The following MEAK7 variants were observed in gnomAD, a reference collection of about 807,000 sequenced individuals.
MEAK7 encodes MTOR-associated protein MEAK7.
In MEAK7, 68 loss-of-function variants were observed where a neutral mutation model predicts 40.5. The ratio of observed to expected loss-of-function variants is 1.68; its 90% CI spans 1.38 to 2.06. The LOEUF (loss-of-function observed/expected upper bound fraction) is 2.06. Ranked by LOEUF, MEAK7 falls within the 30% of genes most tolerant of loss-of-function variation. The pLI is 0.00. For missense variants in MEAK7, 918 were observed against 580.5 expected, an observed-to-expected ratio of 1.58 and a Z score of -5.98; for synonymous variants, 338 against 231.9, an observed-to-expected ratio of 1.46 and a Z score of -4.16.
rs867789735 is a variant in MEAK7 at position 84,504,657 on chromosome 16, G to T, written c.-82C>A. The T allele has an allele frequency of 6.1e-6, 6 of 985,506 alleles. No individual in the cohort carries two copies. Among genetic ancestry groups the T allele is most frequent in the Non-Finnish European group, 7.2e-6 (6 of 830,044 alleles). 61.0% of individuals were successfully genotyped at this position (985,506 alleles called of 1,614,324 possible). ...GTCCAGCAGCCCACGGGCTCCTCTC[G>T]AGAGCCGCCCCTTCCCTGTTGCCAG... On this transcript the variant is annotated 5_prime_UTR_variant, in exon 1 of 8. Transcript: ENST00000343629.
chr16:84,502,869 C>T (rs895999356), intron 1 of MEAK7: 3 of 152,146 alleles, frequency 2.0e-5, no homozygotes, highest in Non-Finnish European at 4.4e-5. Flanking sequence ...GACTCTGTCT[C>T]ATAAAAACAC....
chr16:84,481,705 G>A (rs1341881732), intron 6 of MEAK7, among the ~76,000 whole-genome samples: 7 of 152,180 alleles, frequency 4.6e-5, no homozygotes, highest in South Asian at 2.1e-4. Flanking sequence ...AGGCCAAGGC[G>A]GGTGGATCAC....
chr16:84,492,405 C>G (rs532862294), intron 3 of MEAK7, among the ~76,000 whole-genome samples: 30 of 151,980 alleles, frequency 2.0e-4, no homozygotes, highest in African/African-American at 6.8e-4. Context: ...TTTAAGTGGC[C>G]TCATACTGTC....
chr16:84,496,339 C>G (rs183076335), intron 2 of MEAK7, among the ~76,000 whole-genome samples: 69 of 152,294 alleles, frequency 4.5e-4, no homozygotes, highest in African/African-American at 1.5e-3. Flanking sequence ...AATCAGACAT[C>G]GCCTCCTCCA....
chr16:84,495,878 G>A lies in MEAK7; in HGVS notation c.189C>T (p.Val63=), dbSNP rs894697766. ...HVGEALPPEM[V]TRLYDGMRRV... ...TCCGCATGCCATCATACAGCCTGGT[G>A]ACCATCTCTGGGGGAAGAGCTTCCC... The change falls in exon 3 of 8, where the codon GTC becomes GTT. Residue 63 remains valine (V), a synonymous_variant. Transcript: ENST00000343629. 18 of 1,613,968 alleles carry A rather than the reference G, an allele frequency of 1.1e-5. No homozygotes were observed. The highest frequency in any genetic ancestry group is 1.4e-5 in the Non-Finnish European group (17 of 1,180,046).
At chr16:84,490,809 C>G (rs377447553) in intron 3 of MEAK7, among the ~76,000 whole-genome samples, 30 of 152,100 alleles carry the variant, frequency 2.0e-4, no homozygotes, top group African/African-American at 5.8e-4. Flanking sequence ...TTCTGCGTGT[C>G]TCTCCTTCCT....
At chr16:84,497,637 C>T (rs1914158361) in intron 2 of MEAK7, 2 of 1,390,168 alleles carry the variant, frequency 1.4e-6, no homozygotes, top group African/African-American at 1.4e-5. Flanking sequence ...TTATCTACTC[C>T]AGGTTCCTTT....
At position 84,477,874 on chromosome 16, in the gene MEAK7, C is replaced by T. The variant is rs1251559411; in HGVS notation, c.*2039G>A. 6.6e-6 allele frequency: 1 copy of T among 152,008 alleles called. No homozygotes were observed. Among genetic ancestry groups the T allele is most frequent in the East Asian group, 1.9e-4 (1 of 5,160 alleles). The allele number at this position is 152,008 out of a possible 1,614,324, so 9.4% of individuals were successfully genotyped here. On this transcript the variant is annotated 3_prime_UTR_variant, in exon 8 of 8. Coordinates refer to ENST00000343629, the MANE Select transcript of MEAK7 (RefSeq NM_020947.4). ...ATCCCCCAGGCTCCCAAGCCCGGGC[C>T]AGTGACCTTTCTCTAAGTGCACTGC...
intron 3 of MEAK7, among the ~76,000 whole-genome samples, chr16:84,491,536 C>CT (rs1337967296): frequency 1.3e-4 from 2 of 15,614 alleles, no homozygotes; most frequent in Non-Finnish European, 3.0e-4. Context: ...GAGACCCTGT[C>CT]TTAAAAAAAA....
At chr16:84,490,165 C>T (rs1187075270) in intron 3 of MEAK7, among the ~76,000 whole-genome samples, 1 of 151,982 alleles carries the variant, frequency 6.6e-6, no homozygotes, top group Non-Finnish European at 1.5e-5. Context: ...TTTATTGTTT[C>T]AGTCTTTTTC....
chr16:84,491,336 G>A (rs554085804), intron 3 of MEAK7, among the ~76,000 whole-genome samples: 83 of 152,100 alleles, frequency 5.5e-4, no homozygotes, highest in Non-Finnish European at 9.7e-4. Flanking sequence ...TTAGGAGGTC[G>A]CGACCAGCCT....
chr16:84,482,054 C>T (rs986923228), intron 6 of MEAK7, among the ~76,000 whole-genome samples: 1 of 152,202 alleles, frequency 6.6e-6, no homozygotes, highest in Non-Finnish European at 1.5e-5. Flanking sequence ...TGCCCTCGGG[C>T]CTGCCTGGAC....
In MEAK7 at chr16:84,489,410, G is replaced by C. The variant is rs747508282; in HGVS notation, c.397C>G (p.Leu133Val). The change falls in exon 4 of 8, where the codon CTG (leucine) becomes GTG (valine). Residue 133 changes from leucine (L) to valine (V), a missense_variant. Transcript: ENST00000343629. ...AGCACGTGCACCACAGAGCCAACCA[G>C]ATCCTCTGTAAACTGTAAGATCACA... Reference protein sequence around the residue: ...AREVQKFTEDLVGSVVHVLSH... With the variant: ...AREVQKFTEDVVGSVVHVLSH... 1.2e-6 allele frequency: 2 copies of C among 1,611,598 alleles called. No homozygotes were observed. Among genetic ancestry groups the C allele is most frequent in the Non-Finnish European group, 1.7e-6 (2 of 1,178,844 alleles).
intron 1 of MEAK7, 147 bp downstream of exon 1, chr16:84,504,453 TC>T: frequency 3.7e-6 from 1 of 270,362 alleles, no homozygotes; most frequent in Non-Finnish European, 5.0e-6. Flanking sequence ...CACCTCTCCC[TC>T]CCCCGACCCG....
In MEAK7 at chr16:84,495,689, G is replaced by T. The variant is rs868514357; in HGVS notation, c.378C>A (p.Val126=). ...ATEGPVKARE[V]QKFTEDLVGS... ...GACCTCGCGGCCTCACTACCTTTTG[G>T]ACTTCTCTGGCCTTCACGGGACCTT... is the stretch of plus-strand genomic sequence containing the variant. The change falls in exon 3 of 8, where the codon GTC becomes GTA. Residue 126 remains valine, a synonymous_variant. Transcript: ENST00000343629. 17 of 1,613,944 alleles carry T rather than the reference G, an allele frequency of 1.1e-5. No individual in the cohort carries two copies. In the Middle Eastern group the frequency reaches 6.6e-4, roughly 62 times the overall value.
Position 84,477,392 on chromosome 16 carries a change from T to C in MEAK7, c.*2521A>G, listed in dbSNP as rs1912156901. 1 of 152,106 alleles carries C rather than the reference T, an allele frequency of 6.6e-6. No homozygotes were observed. The highest frequency in any genetic ancestry group is 2.4e-5 in the African/African-American group (1 of 41,378). 9.4% of individuals were successfully genotyped at this position (152,106 alleles called of 1,614,324 possible). On this transcript the variant is annotated 3_prime_UTR_variant, in exon 8 of 8. Transcript: ENST00000343629. ...TTTTAGTAGAGATGGGGTTTCTCCA[T>C]GTTGGTCAGGCTGGTCTCGAACTTC...
intron 1 of MEAK7, among the ~76,000 whole-genome samples, chr16:84,499,662 T>C (rs1304028086): frequency 6.6e-6 from 1 of 152,198 alleles, no homozygotes; most frequent in Admixed American, 6.5e-5. Flanking sequence ...TCTCCTCTCA[T>C]TCCTCCCTCC....
intron 3 of MEAK7, among the ~76,000 whole-genome samples, chr16:84,490,864 A>G (rs1179642310): frequency 6.6e-6 from 1 of 152,092 alleles, no homozygotes. Context: ...AATGTCTAAG[A>G]GTCTGGGATT....
At chr16:84,499,000 A>G (rs1392567521) in intron 1 of MEAK7, among the ~76,000 whole-genome samples, 1 of 152,160 alleles carries the variant, frequency 6.6e-6, no homozygotes, top group Non-Finnish European at 1.5e-5. Context: ...GATTGCCGTG[A>G]TTATCAACCA....
Sources: allele counts gnomAD v4.1 joint callset (sites outside exome capture counted in the v4.1 genomes callset), GRCh38; gene constraint gnomAD v4.1.1; transcripts MANE v1.5; gene names NCBI Gene and HGNC (gene_info 2026-07-23, HGNC 2026-07-21).